Variants in CYTH3 observed in about 807,000 individuals in gnomAD.
CYTH3 encodes the protein cytohesin-3.
A neutral mutation model predicts 55.1 loss-of-function variants in CYTH3; 23 were observed. That is an observed-to-expected ratio of 0.42 (90% CI 0.30 to 0.59). The LOEUF (loss-of-function observed/expected upper bound fraction) is 0.59. Among genes scored for constraint, CYTH3 ranks in the 20% least tolerant of loss-of-function variants. The pLI is 0.20. For missense variants in CYTH3, 413 were observed against 524.8 expected, an observed-to-expected ratio of 0.79 and a Z score of 2.08; for synonymous variants, 249 against 194.9, an observed-to-expected ratio of 1.28 and a Z score of -2.31.
intron 1 of CYTH3, among the ~76,000 whole-genome samples, chr7:6,194,157 C>A (rs905773024): frequency 1.3e-5 from 2 of 152,146 alleles, no homozygotes; most frequent in African/African-American, 2.4e-5. Context: ...GATACCGAAA[C>A]AGACACAAAA....
chr7:6,193,044 C>A (rs1362065371), intron 1 of CYTH3, among the ~76,000 whole-genome samples: 1 of 150,928 alleles, frequency 6.6e-6, no homozygotes, highest in African/African-American at 2.4e-5. Flanking sequence ...TAGTGGTGGG[C>A]GCCTGTAATC....
chr7:6,258,029 A>G (rs1780174547), intron 1 of CYTH3, among the ~76,000 whole-genome samples: 1 of 152,206 alleles, frequency 6.6e-6, no homozygotes, highest in African/African-American at 2.4e-5. Context: ...AGGGCTGGGC[A>G]CGGTGGCTCA....
chr7:6,229,492 C>A (rs142656437), intron 1 of CYTH3, among the ~76,000 whole-genome samples: 6 of 152,054 alleles, frequency 3.9e-5, no homozygotes, highest in Admixed American at 2.0e-4. Context: ...CTCAGTTTTC[C>A]CAGCGGTCGA....
Position 6,171,441 on chromosome 7 carries a change from C to G in CYTH3, c.450-127G>C, listed in dbSNP as rs896564556. ...GCCTGGGGTACAGCTCTGGCAGGGG[C>G]TTGGGGGCGCAGAGACAGAAAGGAG... On this transcript the variant is annotated intron_variant, in intron 6 of 12. Coordinates refer to ENST00000350796, the MANE Select transcript of CYTH3 (RefSeq NM_004227.4). The surrounding 1 kb of genome is among the most constrained non-coding windows in gnomAD (Gnocchi z 6.7). 2 of 734,274 alleles carry G rather than the reference C, an allele frequency of 2.7e-6. No homozygotes were observed. Among genetic ancestry groups the G allele is most frequent in the African/African-American group, 1.8e-5 (1 of 56,792 alleles). 45.5% of individuals were successfully genotyped at this position (734,274 alleles called of 1,614,324 possible). A position where few individuals can be genotyped will look rare whatever the true frequency, so the allele number is the denominator to read the frequency against.
In CYTH3 at chr7:6,165,022, G is replaced by A. The variant is rs1782947585; in HGVS notation, c.1128-6C>T. On this transcript the variant is annotated splice_polypyrimidine_tract_variant and splice_region_variant and intron_variant, in intron 12 of 12. Transcript: ENST00000350796. ...GATCTCTGCTGATACTGGCTCTGGT[G>A]AAAAAAGGAAAACACACAGGTTAGG... The A allele has an allele frequency of 1.2e-6, 2 of 1,614,120 alleles. No individual in the cohort carries two copies. Among genetic ancestry groups the A allele is most frequent in the East Asian group, 4.5e-5 (2 of 44,882 alleles).
chr7:6,222,963 T>C (rs1779119479), intron 1 of CYTH3, among the ~76,000 whole-genome samples: 1 of 152,216 alleles, frequency 6.6e-6, no homozygotes, highest in Non-Finnish European at 1.5e-5. Context: ...AATTAATAAA[T>C]GTAAAGTGAA....
intron 4 of CYTH3, among the ~76,000 whole-genome samples, chr7:6,184,045 G>A (rs1277868913): frequency 1.2e-4 from 15 of 123,804 alleles, no homozygotes; most frequent in African/African-American, 4.5e-4. Flanking sequence ...CACCCCCTCT[G>A]TGGCTTTTTT....
intron 5 of CYTH3, among the ~76,000 whole-genome samples, chr7:6,174,128 T>C (rs1175395435): frequency 6.6e-6 from 1 of 152,194 alleles, no homozygotes; most frequent in African/African-American, 2.4e-5. Context: ...CCTTTTTTTT[T>C]TTGAGCCAGA....
intron 1 of CYTH3, among the ~76,000 whole-genome samples, chr7:6,261,457 G>A (rs907644411): frequency 1.3e-5 from 2 of 152,136 alleles, no homozygotes; most frequent in African/African-American, 2.4e-5. Flanking sequence ...GCTCAGGCCT[G>A]TAATCCCAGC....
chr7:6,179,783 CCT>C (rs1783450133), intron 4 of CYTH3, among the ~76,000 whole-genome samples: 1 of 124,578 alleles, frequency 8.0e-6, no homozygotes, highest in East Asian at 2.6e-4. Context: ...ACACACACCA[CCT>C]ACCACACACA....
rs781190700 is a variant in CYTH3 at position 6,170,710 on chromosome 7, A to C, written c.712-64T>G. 8.2e-6 allele frequency: 13 copies of C among 1,580,752 alleles called. No individual in the cohort carries two copies. Among genetic ancestry groups the C allele is most frequent in the Non-Finnish European group, 1.1e-5 (13 of 1,161,694 alleles). On this transcript the variant is annotated intron_variant, in intron 8 of 12. Transcript: ENST00000350796. This position sits in a 1 kb window ranked among gnomAD's most constrained non-coding sequence, Gnocchi z 7.8. ...GAGGAAAATGGCTGGCCGGGCAGAAAGCTCAGCGGGACCAGGGCGGCAAGG... is the reference window on the plus strand; with the variant it reads ...GAGGAAAATGGCTGGCCGGGCAGAACGCTCAGCGGGACCAGGGCGGCAAGG...
chr7:6,190,606 TG>T lies in CYTH3; in HGVS notation c.35-76del, dbSNP rs1420825278. The T allele has an allele frequency of 2.9e-5, 34 of 1,162,386 alleles. No individual in the cohort carries two copies. In the South Asian group the frequency reaches 5.0e-4, roughly 17 times the overall value. 72.0% of individuals were successfully genotyped at this position (1,162,386 alleles called of 1,614,324 possible). ...ATCCAGCAAGGTTGAGGTGGGTACA[TG>T]CTGCCACCCAGCAATTCCATACGCA... On this transcript the variant is annotated intron_variant, in intron 1 of 12. Coordinates refer to ENST00000350796, the MANE Select transcript of CYTH3 (RefSeq NM_004227.4).
intron 1 of CYTH3, among the ~76,000 whole-genome samples, chr7:6,253,239 CAG>C (rs1780017264): frequency 2.1e-5 from 3 of 141,960 alleles, no homozygotes; most frequent in Admixed American, 7.2e-5. Flanking sequence ...TTTTTTGAGA[CAG>C]AGTCATACTG....
intron 1 of CYTH3, among the ~76,000 whole-genome samples, chr7:6,201,640 T>G (rs576350999): frequency 1.3e-5 from 2 of 152,262 alleles, no homozygotes; most frequent in East Asian, 1.9e-4. Context: ...TAAAAAAACC[T>G]GACTGTGTAA....
At chr7:6,208,389 G>C (rs747653065) in intron 1 of CYTH3, among the ~76,000 whole-genome samples, 1 of 152,166 alleles carries the variant, frequency 6.6e-6, no homozygotes, top group African/African-American at 2.4e-5. Context: ...AAGAATCACT[G>C]TAGTGGCATG....
intron 1 of CYTH3, among the ~76,000 whole-genome samples, chr7:6,236,015 C>T (rs766867133): frequency 2.6e-5 from 4 of 152,134 alleles, no homozygotes; most frequent in South Asian, 4.1e-4. Context: ...AGCCAATTCA[C>T]GAAGTCACAC....
intron 1 of CYTH3, among the ~76,000 whole-genome samples, chr7:6,264,109 T>TGATGGCGGGCAC (rs1316632290): frequency 6.6e-6 from 1 of 151,998 alleles, no homozygotes; most frequent in Non-Finnish European, 1.5e-5. Context: ...TAGCTGGGCA[T>TGATGGCGGGCAC]GATGGCGGGC....
intron 1 of CYTH3, among the ~76,000 whole-genome samples, chr7:6,255,648 G>A (rs1232091908): frequency 6.6e-6 from 1 of 151,964 alleles, no homozygotes; most frequent in African/African-American, 2.4e-5. Flanking sequence ...GGGGACATCA[G>A]GAGAAAACAG....
intron 1 of CYTH3, among the ~76,000 whole-genome samples, chr7:6,241,290 G>A (rs952305062): frequency 7.9e-5 from 12 of 152,140 alleles, no homozygotes; most frequent in South Asian, 2.1e-4. Context: ...AAAGACCTTC[G>A]AGAATTTGAA....
Sources: gnomAD v4.1 joint callset for allele counts (sites outside exome capture counted in the v4.1 genomes callset) on GRCh38, gnomAD v4.1.1 for gene constraint, Gnocchi (gnomAD v3.1) non-coding constraint, MANE v1.5 for transcripts, NCBI Gene and HGNC (gene_info 2026-07-23, HGNC 2026-07-21) for gene names.